Variants in CYP20A1 observed in about 807,000 individuals in gnomAD.
The protein encoded by CYP20A1 is cytochrome P450 20A1.
In CYP20A1, 61 loss-of-function variants were observed where a neutral mutation model predicts 61.4. That is an observed-to-expected ratio of 0.99 (90% CI 0.81 to 1.23). CYP20A1 has a LOEUF of 1.23. Ranked by LOEUF, CYP20A1 falls within the 50% of genes most tolerant of loss-of-function variation. The pLI, the probability that CYP20A1 is intolerant of heterozygous loss-of-function variation, is 0.00. For synonymous variants in CYP20A1, 193 were observed against 188.2 expected, an observed-to-expected ratio of 1.03 and a Z score of -0.21; for missense variants, 530 against 542.4, an observed-to-expected ratio of 0.98 and a Z score of 0.23.
intron 3 of CYP20A1, among the ~76,000 whole-genome samples, chr2:203,250,146 G>A (rs2066605859): frequency 6.6e-6 from 1 of 152,096 alleles, no homozygotes; most frequent in Non-Finnish European, 1.5e-5. Context: ...CATCACAGAT[G>A]TGAGAAAATA....
chr2:203,285,060 G>A (rs2068209692), intron 8 of CYP20A1, among the ~76,000 whole-genome samples: 1 of 152,024 alleles, frequency 6.6e-6, no homozygotes, highest in Non-Finnish European at 1.5e-5. Context: ...GGTTACAGGT[G>A]TGAGCCACCA....
In CYP20A1 at chr2:203,280,093, G is replaced by A; in HGVS notation, c.830G>A (p.Ser277Asn). The A allele has an allele frequency of 6.2e-7, 1 of 1,607,092 alleles. No individual in the cohort carries two copies. The highest frequency in any genetic ancestry group is 8.5e-7 in the Non-Finnish European group (1 of 1,177,324). ...GACAGTATGATATTTTCTCTGGCCA[G>A]TTGCATAATAACTGCAAAATGTAAG... The part of the protein sequence containing the change: ...LEDSMIFSLA[S>N]CIITAKLCTW... Residue 277 changes from serine (S) to asparagine (N), a missense_variant, in exon 8 of 13, where the codon AGT becomes AAT. Transcript: ENST00000356079.
rs970327633 is a variant in CYP20A1 at position 203,246,901 on chromosome 2, A to G, written c.269A>G (p.His90Arg). The change falls in exon 3 of 13, where the codon CAT (histidine) becomes CGT (arginine). Residue 90 changes from histidine (H) to arginine (R), a missense_variant. His to Arg is a conservative substitution (Grantham distance 29). Coordinates refer to ENST00000356079, the MANE Select transcript of CYP20A1 (RefSeq NM_177538.3). ...GGCACTGTTGATGTACTGAAGCAGC[A>G]TATCAATCCCAATAAGACATGTAAG... ...SLGTVDVLKQ[H>R]INPNKTSDPF... The G allele has an allele frequency of 2.0e-5, 33 of 1,613,094 alleles. No homozygotes were observed. The highest frequency in any genetic ancestry group is 2.7e-5 in the Non-Finnish European group (32 of 1,179,862).
chr2:203,240,328 G>A (rs1252397955), intron 1 of CYP20A1, among the ~76,000 whole-genome samples: 2 of 152,158 alleles, frequency 1.3e-5, no homozygotes, highest in Non-Finnish European at 2.9e-5. Context: ...TGAATTTTTG[G>A]TGATTTTAAA....
intron 1 of CYP20A1, among the ~76,000 whole-genome samples, chr2:203,244,075 C>A (rs920465317): frequency 6.6e-6 from 1 of 152,096 alleles, no homozygotes; most frequent in Non-Finnish European, 1.5e-5. Flanking sequence ...TTATATTCCA[C>A]GTTACCTCCT....
chr2:203,262,476 T>C (rs1178836825), intron 4 of CYP20A1, among the ~76,000 whole-genome samples: 4 of 152,204 alleles, frequency 2.6e-5, no homozygotes, highest in Admixed American at 6.5e-5. Flanking sequence ...AACTTTTTTT[T>C]CTATATATTT....
At chr2:203,246,625 T>G in intron 2 of CYP20A1, 130 bp from the exon 3 acceptor site, 1 of 888,966 alleles carries the variant, frequency 1.1e-6, no homozygotes, top group Admixed American at 2.5e-5. Flanking sequence ...GAGTTTTGGA[T>G]TTTGCAGTAA....
chr2:203,289,035 G>A (rs551027073), intron 9 of CYP20A1, among the ~76,000 whole-genome samples: 3 of 152,076 alleles, frequency 2.0e-5, no homozygotes, highest in African/African-American at 4.8e-5. Context: ...GCTTCTGAAA[G>A]GTTTTACCAG....
At chr2:203,279,708 A>C (rs1315055834) in intron 7 of CYP20A1, among the ~76,000 whole-genome samples, 1 of 152,180 alleles carries the variant, frequency 6.6e-6, no homozygotes, top group Non-Finnish European at 1.5e-5. Context: ...AAGCCAGAAA[A>C]ATAGGACCGA....
At chr2:203,292,991 T>C (rs1340957052) in intron 11 of CYP20A1, among the ~76,000 whole-genome samples, 1 of 151,554 alleles carries the variant, frequency 6.6e-6, no homozygotes. Context: ...CTGGCTAACA[T>C]AGCGAAACCC....
Position 203,303,031 on chromosome 2 carries a change from C to T in CYP20A1, c.*6123C>T, listed in dbSNP as rs550809530. On this transcript the variant is annotated 3_prime_UTR_variant, in exon 13 of 13. Coordinates refer to ENST00000356079, the MANE Select transcript of CYP20A1 (RefSeq NM_177538.3). The stretch of plus-strand genomic sequence containing the variant: ...ATTTATTTATTTTGAGATGGAGTCT[C>T]GCTGTGTCACCCAGGCTGGAGTGTG... Among the ~76,000 whole-genome samples, 5 of 150,412 alleles carry T rather than the reference C, an allele frequency of 3.3e-5. No homozygotes were observed. The highest frequency in any genetic ancestry group is 2.1e-4 in the South Asian group (1 of 4,708).
At chr2:203,274,428 C>T (rs945515186) in intron 6 of CYP20A1, among the ~76,000 whole-genome samples, 19 of 151,980 alleles carry the variant, frequency 1.3e-4, no homozygotes, top group Admixed American at 2.0e-4. Flanking sequence ...TTGGGTGATC[C>T]GCCCGCCTCA....
intron 4 of CYP20A1, among the ~76,000 whole-genome samples, chr2:203,260,772 C>A (rs1321363761): frequency 6.6e-6 from 1 of 152,156 alleles, no homozygotes; most frequent in African/African-American, 2.4e-5. Context: ...CATCATCTGT[C>A]CTTGGCCTCC....
At chr2:203,264,280 T>C (rs1161728563) in intron 4 of CYP20A1, among the ~76,000 whole-genome samples, 3 of 152,084 alleles carry the variant, frequency 2.0e-5, no homozygotes, top group African/African-American at 7.3e-5. Flanking sequence ...AGCCACCGTG[T>C]CTAGCCTCTG....
intron 1 of CYP20A1, among the ~76,000 whole-genome samples, chr2:203,245,132 C>T (rs1198076435): frequency 6.9e-6 from 1 of 144,108 alleles, no homozygotes; most frequent in Non-Finnish European, 1.5e-5. Context: ...CGGGTTCAAA[C>T]AATTCTGCCT....
At chr2:203,271,307 C>A (rs923044447) in intron 5 of CYP20A1, among the ~76,000 whole-genome samples, 5 of 151,062 alleles carry the variant, frequency 3.3e-5, no homozygotes, top group East Asian at 3.9e-4. Context: ...CCAGGATGGT[C>A]TTGAACTCCT....
At chr2:203,293,099 G>A (rs1235876002) in intron 11 of CYP20A1, among the ~76,000 whole-genome samples, 4 of 151,666 alleles carry the variant, frequency 2.6e-5, no homozygotes, top group African/African-American at 9.7e-5. Context: ...ACTTGAACCT[G>A]GGAGGCAGAG....
chr2:203,286,837 T>A (rs557870586), intron 9 of CYP20A1, among the ~76,000 whole-genome samples: 14 of 152,266 alleles, frequency 9.2e-5, no homozygotes, highest in South Asian at 4.1e-4. Context: ...AATTTTTTTT[T>A]AATTGCAACT....
intron 5 of CYP20A1, among the ~76,000 whole-genome samples, chr2:203,272,208 C>T (rs2067630439): frequency 6.6e-6 from 1 of 152,110 alleles, no homozygotes; most frequent in Admixed American, 6.6e-5. Context: ...AAGGATTGTG[C>T]AGCCAGTTGA....
Sources: gnomAD v4.1 joint callset for allele counts (sites outside exome capture counted in the v4.1 genomes callset) on GRCh38, gnomAD v4.1.1 for gene constraint, MANE v1.5 for transcripts, NCBI Gene and HGNC (gene_info 2026-07-23, HGNC 2026-07-21) for gene names.